Variants in DCC observed in about 807,000 individuals in gnomAD.
DCC encodes netrin receptor DCC.
Under a neutral mutation model 172.5 loss-of-function variants are expected in DCC, and 58 were observed. That is an observed-to-expected ratio of 0.34 (90% CI 0.27 to 0.42). DCC has a LOEUF of 0.42. Among genes scored for constraint, DCC ranks in the 10% least tolerant of loss-of-function variants. The pLI is 1.00. For missense variants in DCC, 1,740 were observed against 1,791.0 expected (o/e 0.97, Z 0.51); for synonymous variants, 709 against 644.5 (o/e 1.10, Z -1.52).
At chr18:52,782,796 A>G (rs2037572186) in intron 2 of DCC, among the ~76,000 whole-genome samples, 1 of 152,100 alleles carries the variant, frequency 6.6e-6, no homozygotes, top group Non-Finnish European at 1.5e-5. Context: ...ATAATCTGTT[A>G]AGTGAGTTGT....
chr18:53,510,335 G>A (rs1203208706), intron 27 of DCC, among the ~76,000 whole-genome samples: 1 of 152,164 alleles, frequency 6.6e-6, no homozygotes, highest in East Asian at 1.9e-4. Context: ...TTTTCTGGTG[G>A]TAGGGAGGGT....
chr18:52,966,943 A>G (rs1376557828), intron 5 of DCC, among the ~76,000 whole-genome samples: 1 of 152,182 alleles, frequency 6.6e-6, no homozygotes, highest in Admixed American at 6.5e-5. Context: ...GAAACTCAAC[A>G]GCGATTTGAA....
chr18:52,841,494 A>G (rs531651705), intron 2 of DCC, among the ~76,000 whole-genome samples: 2 of 152,140 alleles, frequency 1.3e-5, no homozygotes, highest in South Asian at 4.1e-4. Flanking sequence ...TTTTAGATAA[A>G]ACACTGTAAA....
At chr18:53,039,355 T>C (rs2042138459) in intron 5 of DCC, among the ~76,000 whole-genome samples, 1 of 152,080 alleles carries the variant, frequency 6.6e-6, no homozygotes, top group Non-Finnish European at 1.5e-5. Flanking sequence ...CTGCTGTTTT[T>C]ATGTGGTCTC....
At chr18:52,406,720 TAAAAC>T (rs913201732) in intron 1 of DCC, among the ~76,000 whole-genome samples, 11 of 152,074 alleles carry the variant, frequency 7.2e-5, no homozygotes, top group Non-Finnish European at 1.3e-4. Context: ...CTTGTAAAAT[TAAAAC>T]AAAACAAATG....
chr18:52,354,176 A>G (rs573554338), intron 1 of DCC, among the ~76,000 whole-genome samples: 58 of 152,228 alleles, frequency 3.8e-4, no homozygotes, highest in African/African-American at 1.4e-3. Flanking sequence ...GAGGAGTTTT[A>G]CAGGAAGAAG....
At chr18:53,157,721 C>A (rs2054766386) in intron 8 of DCC, among the ~76,000 whole-genome samples, 1 of 152,016 alleles carries the variant, frequency 6.6e-6, no homozygotes, top group African/African-American at 2.4e-5. Flanking sequence ...TATAAAAAAT[C>A]CTTGAAAAAG....
chr18:53,410,116 A>G (rs145093269), intron 19 of DCC, among the ~76,000 whole-genome samples: 1 of 152,212 alleles, frequency 6.6e-6, no homozygotes, highest in Non-Finnish European at 1.5e-5. Flanking sequence ...AAAATTATAC[A>G]GACTTGTTAT....
intron 5 of DCC, among the ~76,000 whole-genome samples, chr18:52,932,700 A>T (rs1485446434): frequency 6.6e-6 from 1 of 152,110 alleles, no homozygotes; most frequent in East Asian, 1.9e-4. Context: ...CCTTACACAG[A>T]TGTGTTCAAT....
intron 19 of DCC, among the ~76,000 whole-genome samples, chr18:53,408,238 C>T (rs897742253): frequency 2.0e-5 from 3 of 152,104 alleles, no homozygotes; most frequent in Admixed American, 2.0e-4. Flanking sequence ...GGTAAAACTG[C>T]ACATATTTGT....
At chr18:53,296,167 C>G (rs1431182) in intron 12 of DCC, among the ~76,000 whole-genome samples, 21,997 of 152,060 alleles carry the variant, frequency 0.14, 2,371 homozygotes, top group African/African-American at 0.29. Context: ...CTTGGCATTG[C>G]TACTGTACGT....
At chr18:52,843,973 T>A (rs964048569) in intron 2 of DCC, among the ~76,000 whole-genome samples, 8 of 152,166 alleles carry the variant, frequency 5.3e-5, no homozygotes, top group Admixed American at 2.6e-4. Flanking sequence ...TATAGTATGA[T>A]GCTGATAAAC....
chr18:52,636,378 A>G (rs928750050), intron 1 of DCC, among the ~76,000 whole-genome samples: 2 of 21,146 alleles, frequency 9.5e-5, no homozygotes, highest in African/African-American at 4.3e-4. Context: ...TACAGACTCC[A>G]CAGGCAGGGG....
At chr18:53,349,460 C>A (rs150040813) in intron 15 of DCC, among the ~76,000 whole-genome samples, 74 of 152,320 alleles carry the variant, frequency 4.9e-4, no homozygotes, top group African/African-American at 1.7e-3. Flanking sequence ...TTACCCAGTT[C>A]CGAAGTCACT....
intron 1 of DCC, among the ~76,000 whole-genome samples, chr18:52,670,783 T>G (rs1475548646): frequency 6.6e-6 from 1 of 151,810 alleles, no homozygotes; most frequent in Non-Finnish European, 1.5e-5. Flanking sequence ...GAGGTTGCAG[T>G]GAGCCGAGAT....
At chr18:53,354,827 G>A (rs1320391257) in intron 15 of DCC, among the ~76,000 whole-genome samples, 3 of 138,556 alleles carry the variant, frequency 2.2e-5, no homozygotes, top group African/African-American at 8.6e-5. Context: ...AACTTTTGGT[G>A]TTTTAGACAT....
chr18:52,880,822 TGA>T (rs2039474779), intron 2 of DCC, among the ~76,000 whole-genome samples: 1 of 152,224 alleles, frequency 6.6e-6, no homozygotes, highest in African/African-American at 2.4e-5. Context: ...ACAACAAACA[TGA>T]GAGTGCAGAC....
intron 1 of DCC, among the ~76,000 whole-genome samples, chr18:52,401,962 A>G (rs1171950248): frequency 6.6e-6 from 1 of 151,946 alleles, no homozygotes; most frequent in Non-Finnish European, 1.5e-5. Context: ...TCTGGAAGAA[A>G]ATTTCAATTT....
chr18:53,329,612 A>G (rs1267838474), intron 14 of DCC, among the ~76,000 whole-genome samples: 1 of 152,166 alleles, frequency 6.6e-6, no homozygotes, highest in African/African-American at 2.4e-5. Flanking sequence ...ACATGAGTAA[A>G]TAGCAAGTTA....
Sources: allele counts gnomAD v4.1 joint callset (sites outside exome capture counted in the v4.1 genomes callset), GRCh38; gene constraint gnomAD v4.1.1; transcripts MANE v1.5; gene names NCBI Gene and HGNC (gene_info 2026-07-23, HGNC 2026-07-21).